The following CHST9 variants were observed in gnomAD, a reference collection of about 807,000 sequenced individuals.
CHST9 encodes the protein carbohydrate sulfotransferase 9.
CHST9 carries 41 observed loss-of-function variants against 44.4 expected under a neutral mutation model. The ratio of observed to expected loss-of-function variants is 0.92; its 90% CI spans 0.72 to 1.20. The LOEUF is 1.20. Among genes scored for constraint, CHST9 ranks in the 50% most tolerant of loss-of-function variants. The pLI is 0.00. For synonymous variants in CHST9, 171 were observed against 178.4 expected, an observed-to-expected ratio of 0.96 and a Z score of 0.33; for missense variants, 504 against 516.5, an observed-to-expected ratio of 0.98 and a Z score of 0.23.
chr18:26,928,962 AT>A (rs1409190571), intron 5 of CHST9, among the ~76,000 whole-genome samples: 1 of 152,198 alleles, frequency 6.6e-6, no homozygotes, highest in Non-Finnish European at 1.5e-5. Flanking sequence ...CTGTTTCCTC[AT>A]TTTTAAAGTG....
chr18:26,978,545 CTGTTTT>C lies in CHST9; in HGVS notation c.203-34185_203-34180del, dbSNP rs552081376. Among the ~76,000 whole-genome samples the C allele has an allele frequency of 7.5e-4, 114 of 152,274 alleles. 1 individual carries two copies. The highest frequency in any genetic ancestry group is 2.7e-3 in the African/African-American group (111 of 41,542). On this transcript the variant is annotated intron_variant, in intron 4 of 5. Transcript: ENST00000618847. Reference sequence around the variant, plus strand: ...CCTCTCTGTTCTCACAAACACTCGTCTGTTTTTGTTAGCGAAGACAGAAGTGTCTAT... The same window carrying C: ...CCTCTCTGTTCTCACAAACACTCGTCTGTTAGCGAAGACAGAAGTGTCTAT...
At chr18:26,944,599 T>C (rs755551929) in intron 4 of CHST9, among the ~76,000 whole-genome samples, 13 of 152,156 alleles carry the variant, frequency 8.5e-5, no homozygotes, top group Non-Finnish European at 1.6e-4. Context: ...GGAAATCCAA[T>C]AAGGGTGATA....
chr18:26,999,058 G>T (rs2056919599), intron 4 of CHST9, among the ~76,000 whole-genome samples: 1 of 152,176 alleles, frequency 6.6e-6, no homozygotes. Context: ...TCACTTGGGA[G>T]AACATAATAA....
chr18:27,175,495 A>G (rs1175682751), intron 1 of CHST9, among the ~76,000 whole-genome samples: 1 of 152,112 alleles, frequency 6.6e-6, no homozygotes, highest in African/African-American at 2.4e-5. Context: ...AAATAAATGT[A>G]GCAACACCCA....
intron 4 of CHST9, among the ~76,000 whole-genome samples, chr18:27,016,818 TTTA>T (rs2057160899): frequency 1.3e-5 from 2 of 152,174 alleles, no homozygotes; most frequent in African/African-American, 2.4e-5. Context: ...TATTAAAGAC[TTTA>T]TTTAAATACT....
At chr18:27,135,506 TTTC>T (rs2143847856) in intron 2 of CHST9, among the ~76,000 whole-genome samples, 1 of 152,332 alleles carries the variant, frequency 6.6e-6, no homozygotes, top group African/African-American at 2.4e-5. Flanking sequence ...GTGACCACTC[TTTC>T]TTCTTCTAGT....
intron 2 of CHST9, among the ~76,000 whole-genome samples, chr18:27,051,471 T>A (rs1161518797): frequency 2.6e-5 from 4 of 152,116 alleles, no homozygotes; most frequent in Admixed American, 2.6e-4. Context: ...TTTGGATCAC[T>A]CCCTCTGGGG....
intron 4 of CHST9, among the ~76,000 whole-genome samples, chr18:26,968,645 T>C (rs1302556253): frequency 1.3e-5 from 2 of 152,248 alleles, no homozygotes; most frequent in Non-Finnish European, 2.9e-5. Flanking sequence ...ATTCATTAAA[T>C]ATTCTACAAT....
At chr18:27,175,769 C>T (rs951823491) in intron 1 of CHST9, among the ~76,000 whole-genome samples, 6 of 151,848 alleles carry the variant, frequency 4.0e-5, no homozygotes, top group Admixed American at 1.3e-4. Flanking sequence ...CTGAAGCAGG[C>T]GTTGTAGTAT....
At position 26,916,174 on chromosome 18, in the gene CHST9, T is replaced by A. The variant is rs2055516211; in HGVS notation, c.*85A>T. Reference sequence around the variant, plus strand: ...ACAACTGCACTTGGTTAAATTTCTGTCATACAGAGAATTATAGAAAAATTA... The same window carrying A: ...ACAACTGCACTTGGTTAAATTTCTGACATACAGAGAATTATAGAAAAATTA... On this transcript the variant is annotated 3_prime_UTR_variant, in exon 6 of 6. Coordinates refer to ENST00000618847, the MANE Select transcript of CHST9 (RefSeq NM_031422.6). 1 of 1,105,444 alleles carries A rather than the reference T, an allele frequency of 9.0e-7. No homozygotes were observed. Among genetic ancestry groups the A allele is most frequent in the Non-Finnish European group, 1.3e-6 (1 of 768,918 alleles). The allele number at this position is 1,105,444 out of a possible 1,614,324, so 68.5% of individuals were successfully genotyped here. A position where few individuals can be genotyped will look rare whatever the true frequency, so the allele number is the denominator to read the frequency against.
intron 2 of CHST9, among the ~76,000 whole-genome samples, chr18:27,091,335 G>C (rs2058066827): frequency 6.6e-6 from 1 of 152,136 alleles, no homozygotes; most frequent in Non-Finnish European, 1.5e-5. Flanking sequence ...TCAGCTTAAG[G>C]AGATTTTGGG....
intron 4 of CHST9, among the ~76,000 whole-genome samples, chr18:27,016,528 G>T (rs1416055616): frequency 2.0e-5 from 3 of 152,148 alleles, no homozygotes; most frequent in African/African-American, 7.2e-5. Context: ...CTGTACGTTT[G>T]TTTACTTGAT....
intron 2 of CHST9, among the ~76,000 whole-genome samples, chr18:27,089,513 C>T (rs1014259175): frequency 1.3e-5 from 2 of 152,148 alleles, no homozygotes; most frequent in Non-Finnish European, 2.9e-5. Context: ...ATATGTGCCA[C>T]ATTTTCTTAA....
chr18:26,921,220 C>T (rs1457786022), intron 5 of CHST9, among the ~76,000 whole-genome samples: 3 of 152,164 alleles, frequency 2.0e-5, no homozygotes, highest in Non-Finnish European at 4.4e-5. Flanking sequence ...AGCCCTCATG[C>T]AGACTAGATG....
intron 4 of CHST9, among the ~76,000 whole-genome samples, chr18:26,946,335 C>T (rs71353416): frequency 0.18 from 27,964 of 151,916 alleles, 2,684 homozygotes; most frequent in East Asian, 0.24. Context: ...AACTTTCAGG[C>T]AGAAGGAAGA....
chr18:27,014,453 C>CAAAAAAAAAAAAAAAAAAAA (rs57437876), intron 4 of CHST9, among the ~76,000 whole-genome samples: 2 of 39,420 alleles, frequency 5.1e-5, no homozygotes, highest in Non-Finnish European at 4.2e-5. Context: ...GACTCTGTCT[C>CAAAAAAAAAAAAAAAAAAAA]AAAAAAAAAA....
chr18:26,936,340 T>C (rs1263490026), intron 5 of CHST9: 1 of 151,660 alleles, frequency 6.6e-6, no homozygotes, highest in Non-Finnish European at 1.5e-5. Context: ...GAAGAAAGAA[T>C]AGCATGGATA....
chr18:26,940,244 A>C (rs1035075505), intron 5 of CHST9, among the ~76,000 whole-genome samples: 1 of 151,772 alleles, frequency 6.6e-6, no homozygotes, highest in African/African-American at 2.4e-5. Flanking sequence ...CTGTCTTTGC[A>C]TGACTGTGTT....
intron 2 of CHST9, among the ~76,000 whole-genome samples, chr18:27,126,452 A>G (rs896143981): frequency 1.3e-5 from 2 of 152,130 alleles, no homozygotes; most frequent in African/African-American, 2.4e-5. Context: ...GAGGGCTTCA[A>G]CTGGGAAGAA....
Sources: allele counts gnomAD v4.1 joint callset (sites outside exome capture counted in the v4.1 genomes callset), GRCh38; gene constraint gnomAD v4.1.1; transcripts MANE v1.5; gene names NCBI Gene and HGNC (gene_info 2026-07-23, HGNC 2026-07-21).